NDRG3: variants seen among roughly 807,000 people sequenced by gnomAD.
NDRG3 encodes the protein protein NDRG3.
A neutral mutation model predicts 57.2 loss-of-function variants in NDRG3; 23 were observed. That is an observed-to-expected ratio of 0.40 (90% CI 0.29 to 0.57). The LOEUF (loss-of-function observed/expected upper bound fraction) is 0.57. Among genes scored for constraint, NDRG3 ranks in the 20% least tolerant of loss-of-function variants. The probability of loss-of-function intolerance (pLI) is 0.42; values close to 1 mark genes in which losing one functional copy is unlikely to be tolerated. For missense variants in NDRG3, 384 were observed against 457.3 expected (o/e 0.84, Z 1.46); for synonymous variants, 132 against 162.6 (o/e 0.81, Z 1.43).
intron 1 of NDRG3, among the ~76,000 whole-genome samples, chr20:36,729,013 C>T (rs998949892): frequency 2.6e-5 from 4 of 152,098 alleles, no homozygotes; most frequent in African/African-American, 9.7e-5. Context: ...TAAGCCACTG[C>T]TTCCAGGCTG....
chr20:36,708,937 C>T (rs912200048), intron 2 of NDRG3, among the ~76,000 whole-genome samples: 1 of 152,156 alleles, frequency 6.6e-6, no homozygotes, highest in Admixed American at 6.6e-5. Flanking sequence ...ACTTGGGAGG[C>T]TGAGGCAGGA....
chr20:36,673,973 C>T (rs1353048521), intron 8 of NDRG3, among the ~76,000 whole-genome samples: 2 of 151,646 alleles, frequency 1.3e-5, no homozygotes, highest in Non-Finnish European at 2.9e-5. Flanking sequence ...CGTGGTGGCA[C>T]GTTATCTGTA....
chr20:36,714,472 G>A (rs555679305), intron 2 of NDRG3, among the ~76,000 whole-genome samples: 42 of 134,970 alleles, frequency 3.1e-4, no homozygotes, highest in African/African-American at 1.1e-3. Flanking sequence ...ACAGAGTTTC[G>A]CTCTTGTTGC....
intron 1 of NDRG3, among the ~76,000 whole-genome samples, chr20:36,727,553 T>C (rs966501769): frequency 1.3e-5 from 2 of 150,974 alleles, no homozygotes; most frequent in African/African-American, 4.9e-5. Context: ...CTTTTCTTTT[T>C]TTTTTTTGAG....
chr20:36,727,837 G>A (rs1460744274), intron 1 of NDRG3, among the ~76,000 whole-genome samples: 3 of 151,690 alleles, frequency 2.0e-5, no homozygotes, highest in South Asian at 2.1e-4. Context: ...CACCGTGCCC[G>A]GCCTATTTCT....
chr20:36,691,280 C>G (rs550589652), intron 3 of NDRG3, among the ~76,000 whole-genome samples: 2 of 152,328 alleles, frequency 1.3e-5, no homozygotes, highest in South Asian at 4.1e-4. Flanking sequence ...CGATAGCCAT[C>G]CCTACCAAAT....
intron 1 of NDRG3, among the ~76,000 whole-genome samples, chr20:36,742,789 G>C (rs922306516): frequency 4.8e-4 from 73 of 152,142 alleles, no homozygotes; most frequent in African/African-American, 1.5e-3. Context: ...TGATTCAACT[G>C]TGAATCTTCC....
At chr20:36,716,195 T>A (rs1383415119) in intron 2 of NDRG3, among the ~76,000 whole-genome samples, 1 of 152,020 alleles carries the variant, frequency 6.6e-6, no homozygotes, top group East Asian at 1.9e-4. Flanking sequence ...TCTGCTTACA[T>A]GTTGTGATTA....
chr20:36,676,883 G>A (rs76486330), intron 8 of NDRG3, among the ~76,000 whole-genome samples: 6 of 152,360 alleles, frequency 3.9e-5, no homozygotes, highest in Non-Finnish European at 5.9e-5. Flanking sequence ...CGCCCCTTCC[G>A]GGTTGGGACC....
chr20:36,653,879 GC>G lies in NDRG3; in HGVS notation c.947-179del, dbSNP rs1978426192. Reference sequence around the variant, plus strand: ...CTCTAGGTGAGTGGCGATATGTGAGGCCACTTTAATCCTTTAGATCTGGTTG... The same window carrying G: ...CTCTAGGTGAGTGGCGATATGTGAGGCACTTTAATCCTTTAGATCTGGTTG... On this transcript the variant is annotated intron_variant, in intron 15 of 15. Coordinates refer to ENST00000349004, the MANE Select transcript of NDRG3 (RefSeq NM_032013.4). The surrounding 1 kb of genome is among the most constrained non-coding windows in gnomAD (Gnocchi z 4.2). Among the ~76,000 whole-genome samples, 1 of 152,144 alleles carries G rather than the reference GC, an allele frequency of 6.6e-6. No homozygotes were observed. The highest frequency in any genetic ancestry group is 1.9e-4 in the East Asian group (1 of 5,190).
At chr20:36,707,093 T>G in intron 2 of NDRG3, 86 bp from the exon 3 acceptor site, 1 of 1,225,210 alleles carries the variant, frequency 8.2e-7, no homozygotes, top group East Asian at 2.3e-5. Context: ...GTGACAGCAG[T>G]GCATGTGCAG....
At chr20:36,726,985 T>C (rs374563619) in intron 1 of NDRG3, among the ~76,000 whole-genome samples, 12 of 151,886 alleles carry the variant, frequency 7.9e-5, no homozygotes, top group African/African-American at 2.9e-4. Context: ...GGGGCGATCT[T>C]GGCTCACTGC....
intron 1 of NDRG3, among the ~76,000 whole-genome samples, chr20:36,724,345 T>C (rs533027653): frequency 7.9e-5 from 12 of 152,306 alleles, no homozygotes; most frequent in Admixed American, 6.5e-5. Context: ...AGTGGTTCTT[T>C]TGTCAGATCG....
chr20:36,731,081 A>T (rs1374209355), intron 1 of NDRG3, among the ~76,000 whole-genome samples: 1 of 152,164 alleles, frequency 6.6e-6, no homozygotes, highest in Non-Finnish European at 1.5e-5. Flanking sequence ...GTAACAGAGA[A>T]ACTGATTTGT....
At chr20:36,712,393 C>CTTTTTT (rs532490524) in intron 2 of NDRG3, among the ~76,000 whole-genome samples, 8 of 124,264 alleles carry the variant, frequency 6.4e-5, no homozygotes, top group Non-Finnish European at 8.4e-5. Context: ...TTTTCTTTTT[C>CTTTTTT]TTTTTTTTTT....
intron 1 of NDRG3, among the ~76,000 whole-genome samples, chr20:36,728,193 A>G (rs917635076): frequency 4.6e-5 from 7 of 151,968 alleles, no homozygotes; most frequent in African/African-American, 1.7e-4. Flanking sequence ...AGCTGGGACT[A>G]CAGGCACCTG....
intron 1 of NDRG3, among the ~76,000 whole-genome samples, chr20:36,740,675 A>G (rs192171417): frequency 6.6e-6 from 1 of 152,286 alleles, no homozygotes; most frequent in East Asian, 1.9e-4. Context: ...TAAAATGTCA[A>G]ATTCTGTCAT....
intron 2 of NDRG3, among the ~76,000 whole-genome samples, chr20:36,707,799 A>G (rs1983630766): frequency 6.6e-6 from 1 of 152,096 alleles, no homozygotes; most frequent in East Asian, 1.9e-4. Context: ...AGTATAAAAA[A>G]GGGGCCGAGT....
At chr20:36,739,133 TCAA>T (rs1985772822) in intron 1 of NDRG3, among the ~76,000 whole-genome samples, 2 of 31,526 alleles carry the variant, frequency 6.3e-5, no homozygotes, top group Non-Finnish European at 1.1e-4. Context: ...AGACCCCATC[TCAA>T]AAAAAAAAAA....
Sources: allele counts gnomAD v4.1 joint callset (sites outside exome capture counted in the v4.1 genomes callset), GRCh38; gene constraint gnomAD v4.1.1; non-coding constraint Gnocchi (gnomAD v3.1); transcripts MANE v1.5; gene names NCBI Gene and HGNC (gene_info 2026-07-23, HGNC 2026-07-21).